The following APBB2 variants were observed in gnomAD, a reference collection of about 807,000 sequenced individuals.
APBB2 encodes amyloid beta precursor protein binding family B member 2.
In APBB2, 38 loss-of-function variants were observed where a neutral mutation model predicts 82.5. The observed-to-expected ratio is 0.46, with a 90% confidence interval of 0.36 to 0.60. The LOEUF is 0.60. Among genes scored for constraint, APBB2 ranks in the 20% least tolerant of loss-of-function variants. The probability of loss-of-function intolerance (pLI) is 0.00; values close to 1 mark genes in which losing one functional copy is unlikely to be tolerated. For missense variants in APBB2, 772 were observed against 972.3 expected, an observed-to-expected ratio of 0.79 and a Z score of 2.74; for synonymous variants, 341 against 368.2, an observed-to-expected ratio of 0.93 and a Z score of 0.85.
At chr4:40,985,437 C>T (rs1189606958) in intron 6 of APBB2, among the ~76,000 whole-genome samples, 3 of 152,084 alleles carry the variant, frequency 2.0e-5, no homozygotes, top group Non-Finnish European at 4.4e-5. Context: ...AAAAGTAGAG[C>T]TTTTCAGGCG....
chr4:40,879,663 T>A (rs1406834384), intron 12 of APBB2, among the ~76,000 whole-genome samples: 1 of 152,012 alleles, frequency 6.6e-6, no homozygotes, highest in African/African-American at 2.4e-5. Context: ...AATAATATGT[T>A]ACGGTTGACC....
rs534833310 is a variant in APBB2, at chr4:41,077,440, C to T, written c.-148-11767G>A. 1.1e-4 allele frequency among the ~76,000 whole-genome samples: 16 copies of T among 152,050 alleles called. No homozygotes were observed. In the South Asian group the frequency reaches 2.9e-3, roughly 28 times the overall value. On this transcript the variant is annotated intron_variant, in intron 3 of 17. Transcript: ENST00000508593. ...AAAAGTGACATACCAAGGTGGATTACAAGAAAAGCTCAGAACACTGGGGGA... is the reference window on the plus strand; with the variant it reads ...AAAAGTGACATACCAAGGTGGATTATAAGAAAAGCTCAGAACACTGGGGGA...
intron 6 of APBB2, among the ~76,000 whole-genome samples, chr4:41,011,038 G>A (rs1173610464): frequency 6.6e-6 from 1 of 151,568 alleles, no homozygotes; most frequent in East Asian, 1.9e-4. Context: ...TATTATATAT[G>A]TTATACTATG....
intron 10 of APBB2, among the ~76,000 whole-genome samples, chr4:40,894,135 A>G (rs911177146): frequency 6.6e-6 from 1 of 152,072 alleles, no homozygotes; most frequent in African/African-American, 2.4e-5. Context: ...AAAAATGCAA[A>G]AAATTAGCCA....
At chr4:41,017,071 CT>C (rs962607606) in intron 5 of APBB2, among the ~76,000 whole-genome samples, 3 of 151,914 alleles carry the variant, frequency 2.0e-5, no homozygotes, top group African/African-American at 4.8e-5. Context: ...AATTTTTTGA[CT>C]TTTTGTAGAG....
In APBB2 at chr4:40,822,067, G is replaced by A. The variant is rs763868115; in HGVS notation, c.1933-17C>T. ...CTCTTCATTCTGCAAGAGACATTAT[G>A]CGGCATCCAATCAGGAGATCCCAGG... On this transcript the variant is annotated splice_polypyrimidine_tract_variant and intron_variant, in intron 16 of 17. Transcript: ENST00000508593. 57 of 1,613,062 alleles carry A rather than the reference G, an allele frequency of 3.5e-5. No individual in the cohort carries two copies. Among genetic ancestry groups the A allele is most frequent in the Non-Finnish European group, 4.7e-5 (56 of 1,179,178 alleles).
At chr4:41,135,430 T>C (rs1004877166) in intron 2 of APBB2, among the ~76,000 whole-genome samples, 5 of 152,202 alleles carry the variant, frequency 3.3e-5, no homozygotes, top group African/African-American at 9.7e-5. Flanking sequence ...CTATTTTTGT[T>C]TATGAATGAA....
At chr4:41,045,386 C>T (rs565510333) in intron 4 of APBB2, among the ~76,000 whole-genome samples, 2 of 152,082 alleles carry the variant, frequency 1.3e-5, no homozygotes, top group South Asian at 4.2e-4. Flanking sequence ...CTCCGCCTCC[C>T]ATGTTCACGC....
At chr4:40,933,629 G>T (rs774707950) in intron 10 of APBB2, among the ~76,000 whole-genome samples, 1 of 152,142 alleles carries the variant, frequency 6.6e-6, no homozygotes, top group South Asian at 2.1e-4. Flanking sequence ...TCTCTTCCGC[G>T]GTAGAGGGCA....
At chr4:40,982,403 A>AAG (rs1553894094) in intron 6 of APBB2, among the ~76,000 whole-genome samples, 1 of 79,692 alleles carries the variant, frequency 1.3e-5, no homozygotes, top group African/African-American at 5.5e-5. Context: ...AAGGAAAGGA[A>AAG]AGAAAGAAAG....
chr4:41,139,834 T>C (rs904696433), intron 2 of APBB2, among the ~76,000 whole-genome samples: 3 of 152,176 alleles, frequency 2.0e-5, no homozygotes, highest in Admixed American at 6.5e-5. Context: ...GTAATGGAAA[T>C]ACAACTTATA....
At chr4:40,831,126 G>A (rs189167643) in intron 12 of APBB2, among the ~76,000 whole-genome samples, 3 of 152,254 alleles carry the variant, frequency 2.0e-5, no homozygotes, top group South Asian at 2.1e-4. Context: ...AAGGATGGGC[G>A]TGGTGGCTCA....
intron 3 of APBB2, among the ~76,000 whole-genome samples, chr4:41,069,784 C>T (rs1733194780): frequency 6.6e-6 from 1 of 152,206 alleles, no homozygotes; most frequent in Non-Finnish European, 1.5e-5. Flanking sequence ...TTCTTCTTTT[C>T]CTACCCTAAC....
chr4:41,046,743 T>A (rs1260221434), intron 4 of APBB2, among the ~76,000 whole-genome samples: 1 of 152,126 alleles, frequency 6.6e-6, no homozygotes, highest in Non-Finnish European at 1.5e-5. Flanking sequence ...GGTCATTTGG[T>A]AAGGTCTACA....
intron 3 of APBB2, among the ~76,000 whole-genome samples, chr4:41,072,061 T>C (rs1734088386): frequency 6.6e-6 from 1 of 152,176 alleles, no homozygotes; most frequent in Non-Finnish European, 1.5e-5. Context: ...AGGAAGAGAC[T>C]GCTGAAGTTC....
chr4:41,020,244 C>T (rs1811120984), intron 5 of APBB2, among the ~76,000 whole-genome samples: 1 of 152,194 alleles, frequency 6.6e-6, no homozygotes, highest in South Asian at 2.1e-4. Context: ...CATAGCCTTC[C>T]TATCAAAAAT....
chr4:40,836,330 A>T (rs1457462608), intron 12 of APBB2, among the ~76,000 whole-genome samples: 1 of 152,134 alleles, frequency 6.6e-6, no homozygotes, highest in Admixed American at 6.5e-5. Flanking sequence ...TACAAAAATT[A>T]GGCGGGTGCG....
At position 40,826,046 on chromosome 4, in the gene APBB2, A is replaced by C; in HGVS notation, c.1733-76T>G. On this transcript the variant is annotated intron_variant, in intron 14 of 17. Coordinates refer to ENST00000508593, the MANE Select transcript of APBB2 (RefSeq NM_004307.2). This position sits in a 1 kb window ranked among gnomAD's most constrained non-coding sequence, Gnocchi z 4.5. ...TACACAACAGCCGTGGCTCTGCATC[A>C]TCTGAATGCTCAGGACACGCCCTGT... 1 of 1,112,294 alleles carries C rather than the reference A, an allele frequency of 9.0e-7. No homozygotes were observed. The allele number at this position is 1,112,294 out of a possible 1,614,324, so 68.9% of individuals were successfully genotyped here. A position where few individuals can be genotyped will look rare whatever the true frequency, so the allele number is the denominator to read the frequency against.
At chr4:40,952,042 C>T (rs1790320223) in intron 6 of APBB2, among the ~76,000 whole-genome samples, 1 of 152,044 alleles carries the variant, frequency 6.6e-6, no homozygotes, top group African/African-American at 2.4e-5. Flanking sequence ...AAAAATTAGC[C>T]GGGTGTGGTG....
Sources: gnomAD v4.1 joint callset for allele counts (sites outside exome capture counted in the v4.1 genomes callset) on GRCh38, gnomAD v4.1.1 for gene constraint, Gnocchi (gnomAD v3.1) non-coding constraint, MANE v1.5 for transcripts, NCBI Gene and HGNC (gene_info 2026-07-23, HGNC 2026-07-21) for gene names.